The following CDK13 variants were observed in gnomAD, a reference collection of about 807,000 sequenced individuals.
CDK13 encodes cyclin-dependent kinase 13.
Under a neutral mutation model 137.6 loss-of-function variants are expected in CDK13, and 40 were observed. That is an observed-to-expected ratio of 0.29 (90% CI 0.23 to 0.38). The LOEUF (loss-of-function observed/expected upper bound fraction) is 0.38, where lower values mean the gene tolerates loss of function less well. Among genes scored for constraint, CDK13 ranks in the 10% least tolerant of loss-of-function variants. CDK13 has a pLI of 1.00. For missense variants in CDK13, 1,704 were observed against 1,951.8 expected (o/e 0.87, Z 2.39); for synonymous variants, 869 against 760.1 (o/e 1.14, Z -2.36).
chr7:39,996,983 A>AAAAAAAAAG (rs1562719391), intron 2 of CDK13, among the ~76,000 whole-genome samples: 19 of 141,472 alleles, frequency 1.3e-4, no homozygotes, highest in African/African-American at 4.8e-4. Context: ...AAAAGAAAAA[A>AAAAAAAAAG]AAAAAGAAAA....
chr7:40,093,254 C>G lies in CDK13; in HGVS notation c.3688+17C>G. ...CGGTGTCGGGTAAGTGTGCAGATAC[C>G]AGACCACTAACACAGCTGCATTACA... On this transcript the variant is annotated intron_variant, in intron 13 of 13. Transcript: ENST00000181839. The G allele has an allele frequency of 1.9e-6, 3 of 1,582,158 alleles. No homozygotes were observed. The highest frequency in any genetic ancestry group is 2.6e-6 in the Non-Finnish European group (3 of 1,157,710).
rs1414575288 is a variant in CDK13, at chr7:40,095,578, T to C, written c.*598T>C. Reference sequence around the variant, plus strand: ...AAAAATGGTCAACGTTATTTTTGTTTTGTTTTGCAGATTATCAAAGCCTAG... The same window carrying C: ...AAAAATGGTCAACGTTATTTTTGTTCTGTTTTGCAGATTATCAAAGCCTAG... On this transcript the variant is annotated 3_prime_UTR_variant, in exon 14 of 14. Coordinates refer to ENST00000181839, the MANE Select transcript of CDK13 (RefSeq NM_003718.5). 1 of 152,364 alleles carries C rather than the reference T, an allele frequency of 6.6e-6. No homozygotes were observed. Among genetic ancestry groups the C allele is most frequent in the Non-Finnish European group, 1.5e-5 (1 of 68,030 alleles). 9.4% of individuals were successfully genotyped at this position (152,364 alleles called of 1,614,324 possible).
chr7:40,042,784 CTT>C (rs35787046), intron 5 of CDK13, among the ~76,000 whole-genome samples: 7 of 143,980 alleles, frequency 4.9e-5, no homozygotes, highest in East Asian at 2.0e-4. Flanking sequence ...TCCAGCCCTC[CTT>C]TTTTTTTTTT....
At chr7:39,975,399 G>A (rs897710583) in intron 1 of CDK13, among the ~76,000 whole-genome samples, 1 of 151,978 alleles carries the variant, frequency 6.6e-6, no homozygotes, top group Non-Finnish European at 1.5e-5. Flanking sequence ...GCAACAGAGT[G>A]AGACCCTGTC....
chr7:39,996,693 C>CA (rs1184757625), intron 2 of CDK13, among the ~76,000 whole-genome samples: 1 of 152,042 alleles, frequency 6.6e-6, no homozygotes, highest in Non-Finnish European at 1.5e-5. Context: ...CTACCAGAAT[C>CA]AAACTAAATG....
intron 5 of CDK13, among the ~76,000 whole-genome samples, chr7:40,021,091 G>C (rs12701790): frequency 1.8e-5 from 2 of 113,892 alleles, no homozygotes; most frequent in African/African-American, 2.6e-5. Context: ...TTCCATCTCA[G>C]AGCAAACAAA....
intron 5 of CDK13, among the ~76,000 whole-genome samples, chr7:40,035,877 A>G (rs1250502807): frequency 1.3e-5 from 2 of 150,932 alleles, no homozygotes; most frequent in Non-Finnish European, 2.9e-5. Flanking sequence ...TTTAAACTAC[A>G]TAAATATATA....
At chr7:40,029,162 C>T (rs935716981) in intron 5 of CDK13, among the ~76,000 whole-genome samples, 3 of 152,040 alleles carry the variant, frequency 2.0e-5, no homozygotes, top group Non-Finnish European at 2.9e-5. Context: ...CGTGGTGGCT[C>T]ACACCTGTAA....
chr7:40,018,137 A>T (rs959413620), intron 5 of CDK13, among the ~76,000 whole-genome samples: 2 of 152,086 alleles, frequency 1.3e-5, no homozygotes, highest in African/African-American at 2.4e-5. Flanking sequence ...AAACATACTG[A>T]TGGAAATTTG....
chr7:40,028,360 A>C (rs753495938), intron 5 of CDK13, among the ~76,000 whole-genome samples: 1 of 151,920 alleles, frequency 6.6e-6, no homozygotes, highest in Non-Finnish European at 1.5e-5. Context: ...CTGGGACGAC[A>C]GGCACCTGCC....
At chr7:39,968,641 A>G (rs573908102) in intron 1 of CDK13, among the ~76,000 whole-genome samples, 4 of 152,212 alleles carry the variant, frequency 2.6e-5, no homozygotes, top group East Asian at 1.9e-4. Flanking sequence ...TGGGTTCTCT[A>G]TTGTGTTCCT....
At chr7:40,029,943 C>T (rs1326577271) in intron 5 of CDK13, among the ~76,000 whole-genome samples, 3 of 152,124 alleles carry the variant, frequency 2.0e-5, no homozygotes, top group Admixed American at 6.5e-5. Flanking sequence ...TGAGTCACTG[C>T]GCCTGGCCTA....
rs147172650 is a variant in CDK13, at chr7:40,035,520, T to C, written c.2354-10316T>C. Among the ~76,000 whole-genome samples, 18 of 152,142 alleles carry C rather than the reference T, an allele frequency of 1.2e-4. No individual in the cohort carries two copies. In the East Asian group the frequency reaches 3.3e-3, roughly 28 times the overall value. On this transcript the variant is annotated intron_variant, in intron 5 of 13. Coordinates refer to ENST00000181839, the MANE Select transcript of CDK13 (RefSeq NM_003718.5). ...GATTCTCATAGGAGCACAAACCCTA[T>C]TGTGAACTGCACATGCAAGGGATCT... is the stretch of plus-strand genomic sequence containing the variant.
intron 11 of CDK13, among the ~76,000 whole-genome samples, chr7:40,079,132 T>C (rs1240066296): frequency 2.0e-5 from 3 of 151,480 alleles, no homozygotes; most frequent in Non-Finnish European, 2.9e-5. Context: ...TAAGAAAATA[T>C]TACTGCTGCC....
At position 39,950,321 on chromosome 7, in the gene CDK13, T is replaced by C. The variant is rs1270158838; in HGVS notation, c.-321T>C. On this transcript the variant is annotated 5_prime_UTR_variant, in exon 1 of 14. Transcript: ENST00000181839. ...GCCGCTCCCCCACCCCCGGGGGCAC[T>C]TGGAGGACTCGGGACTCCCCCGCAG... The C allele has an allele frequency of 1.8e-6, 2 of 1,123,066 alleles. No individual in the cohort carries two copies. The highest frequency in any genetic ancestry group is 1.6e-5 in the African/African-American group (1 of 61,868). 69.6% of individuals were successfully genotyped at this position (1,123,066 alleles called of 1,614,324 possible).
intron 1 of CDK13, among the ~76,000 whole-genome samples, chr7:39,964,075 A>T (rs1198755592): frequency 6.6e-6 from 1 of 152,178 alleles, no homozygotes; most frequent in African/African-American, 2.4e-5. Flanking sequence ...ATTGGTCTAA[A>T]ATTCTATTTT....
chr7:40,082,659 C>T (rs1408138251), intron 11 of CDK13, among the ~76,000 whole-genome samples: 6 of 151,576 alleles, frequency 4.0e-5, no homozygotes, highest in African/African-American at 9.7e-5. Context: ...GGCATGGTGG[C>T]GTGTGCCTGT....
At chr7:40,057,876 TA>T (rs985521115) in intron 7 of CDK13, among the ~76,000 whole-genome samples, 6 of 152,084 alleles carry the variant, frequency 3.9e-5, no homozygotes, top group African/African-American at 1.2e-4. Flanking sequence ...GGAGTTCAAA[TA>T]GGGGGAAAGA....
chr7:39,960,395 A>C (rs1320600332), intron 1 of CDK13, among the ~76,000 whole-genome samples: 1 of 151,726 alleles, frequency 6.6e-6, no homozygotes, highest in Non-Finnish European at 1.5e-5. Flanking sequence ...AGCTGGGACT[A>C]CAGGCGCCCG....
Sources: allele counts gnomAD v4.1 joint callset (sites outside exome capture counted in the v4.1 genomes callset), GRCh38; gene constraint gnomAD v4.1.1; transcripts MANE v1.5; gene names NCBI Gene and HGNC (gene_info 2026-07-23, HGNC 2026-07-21).